The following PSD3 variants were observed in gnomAD, a reference collection of about 807,000 sequenced individuals.
PSD3 encodes the protein PH and SEC7 domain-containing protein 3.
Under a neutral mutation model 105.5 loss-of-function variants are expected in PSD3, and 49 were observed. That is an observed-to-expected ratio of 0.46 (90% confidence interval 0.37 to 0.59). PSD3 has a LOEUF of 0.59. Ranked by LOEUF, PSD3 falls within the 20% of genes least tolerant of loss-of-function variation. PSD3 has a pLI of 0.00. For synonymous variants in PSD3, 557 were observed against 457.8 expected (o/e 1.22, Z -2.77); for missense variants, 1,561 against 1,263.8 (o/e 1.24, Z -3.57).
chr8:18,783,793 T>G (rs1401926438), intron 8 of PSD3, among the ~76,000 whole-genome samples: 3 of 152,104 alleles, frequency 2.0e-5, no homozygotes, highest in Non-Finnish European at 4.4e-5. Context: ...CCACCATGCC[T>G]GGCAAATTTT....
At chr8:18,639,543 T>C (rs1030078558) in intron 10 of PSD3, among the ~76,000 whole-genome samples, 2 of 152,136 alleles carry the variant, frequency 1.3e-5, no homozygotes, top group Non-Finnish European at 2.9e-5. Context: ...GAGTGGGCCC[T>C]AATCTAACAA....
chr8:18,915,993 G>A (rs978723847), intron 2 of PSD3, among the ~76,000 whole-genome samples: 11 of 152,026 alleles, frequency 7.2e-5, no homozygotes, highest in African/African-American at 2.7e-4. Flanking sequence ...CTACTCGGGA[G>A]GCTAAGGCAG....
In PSD3 at chr8:18,531,463, A is replaced by G. The variant is rs1273918791; in HGVS notation, c.*4280T>C. On this transcript the variant is annotated 3_prime_UTR_variant, in exon 16 of 16. Transcript: ENST00000327040. ...AAGGAATCTGAGAGAAAAATCAGTG[A>G]CAAAGCCCCTCTCTATTGCTATCAA... 1 of 85,100 alleles carries G rather than the reference A, an allele frequency of 1.2e-5. No individual in the cohort carries two copies. The highest frequency in any genetic ancestry group is 3.4e-5 in the Non-Finnish European group (1 of 29,736). The allele number at this position is 85,100 out of a possible 1,614,324, so 5.3% of individuals were successfully genotyped here.
At chr8:18,837,607 T>G (rs1317895765) in intron 4 of PSD3, among the ~76,000 whole-genome samples, 6 of 152,022 alleles carry the variant, frequency 3.9e-5, no homozygotes, top group South Asian at 2.1e-4. Flanking sequence ...TGGCAAAAGA[T>G]GATAAATGTA....
chr8:18,770,683 C>T (rs1480103366), intron 8 of PSD3, among the ~76,000 whole-genome samples: 3 of 152,196 alleles, frequency 2.0e-5, no homozygotes, highest in Non-Finnish European at 4.4e-5. Context: ...TGCCAGTGAC[C>T]CCTGAAGTCC....
rs1393034515 is a variant in PSD3, at chr8:18,535,809, C to T, written c.3078G>A (p.Lys1026=). 2 of 1,614,066 alleles carry T rather than the reference C, an allele frequency of 1.2e-6. No individual in the cohort carries two copies. The highest frequency in any genetic ancestry group is 1.6e-4 in the Middle Eastern group (1 of 6,084). The part of the protein sequence containing the change: ...PDTSPITAKV[K]RNVSERKDHR... The stretch of plus-strand genomic sequence containing the variant: ...GATCCTTCCTCTCTGACACGTTACG[C>T]TTGACTTTGGCAGTGATTGGAGAAG... The change falls in exon 16 of 16, where the codon AAG becomes AAA. Residue 1026 remains lysine, a synonymous_variant. Transcript: ENST00000327040.
intron 1 of PSD3, among the ~76,000 whole-genome samples, chr8:19,019,282 A>G (rs1827284147): frequency 6.6e-6 from 1 of 152,160 alleles, no homozygotes. Context: ...GAGTTTTGCC[A>G]TTTCACAGAT....
intron 4 of PSD3, among the ~76,000 whole-genome samples, chr8:18,864,313 C>G (rs1009878607): frequency 2.0e-5 from 3 of 152,172 alleles, no homozygotes; most frequent in African/African-American, 7.2e-5. Flanking sequence ...CTCTGTACCT[C>G]AGTTTCCTTA....
intron 1 of PSD3, among the ~76,000 whole-genome samples, chr8:18,990,652 G>C (rs1226527238): frequency 6.6e-6 from 1 of 152,112 alleles, no homozygotes; most frequent in African/African-American, 2.4e-5. Flanking sequence ...CAATTACCAG[G>C]ATATTTCTGG....
intron 9 of PSD3, among the ~76,000 whole-genome samples, chr8:18,683,280 C>A (rs1800484568): frequency 6.6e-6 from 1 of 152,154 alleles, no homozygotes; most frequent in African/African-American, 2.4e-5. Context: ...CTAAACCTGA[C>A]ATGAATGTAG....
chr8:18,872,972 C>A (rs980604473), intron 2 of PSD3, among the ~76,000 whole-genome samples: 1 of 152,168 alleles, frequency 6.6e-6, no homozygotes, highest in Non-Finnish European at 1.5e-5. Flanking sequence ...TCTAATGACA[C>A]CTGCCATATT....
chr8:18,590,469 G>A (rs1321482327), intron 12 of PSD3, among the ~76,000 whole-genome samples: 5 of 152,098 alleles, frequency 3.3e-5, no homozygotes, highest in Non-Finnish European at 7.4e-5. Context: ...CCTTTCCTCT[G>A]AATACCCATA....
intron 9 of PSD3, among the ~76,000 whole-genome samples, chr8:18,756,188 C>T (rs1806031339): frequency 6.6e-6 from 1 of 152,086 alleles, no homozygotes; most frequent in South Asian, 2.1e-4. Flanking sequence ...AAAGAACTCA[C>T]CTACTCTAGG....
At chr8:18,879,587 A>G (rs1266691241) in intron 2 of PSD3, among the ~76,000 whole-genome samples, 1 of 151,236 alleles carries the variant, frequency 6.6e-6, no homozygotes, top group Non-Finnish European at 1.5e-5. Flanking sequence ...ATCATTCATC[A>G]TTGCTTTTTT....
intron 1 of PSD3, among the ~76,000 whole-genome samples, chr8:19,049,469 T>C (rs1488848151): frequency 6.6e-6 from 1 of 151,944 alleles, no homozygotes; most frequent in Non-Finnish European, 1.5e-5. Flanking sequence ...GCAGGAGAAA[T>C]GCTTGAGGCC....
intron 9 of PSD3, among the ~76,000 whole-genome samples, chr8:18,752,018 T>C (rs1446623392): frequency 1.6e-5 from 2 of 124,576 alleles, no homozygotes; most frequent in South Asian, 5.3e-4. Context: ...CTACTAAAAA[T>C]ACATAAAAAA....
chr8:19,023,279 C>A (rs928578517), intron 1 of PSD3, among the ~76,000 whole-genome samples: 2 of 152,024 alleles, frequency 1.3e-5, no homozygotes, highest in African/African-American at 4.8e-5. Flanking sequence ...ACGTGGCCAG[C>A]CAAATTTAAA....
chr8:18,574,633 A>G (rs535035243), intron 13 of PSD3, among the ~76,000 whole-genome samples: 1 of 152,324 alleles, frequency 6.6e-6, no homozygotes, highest in South Asian at 2.1e-4. Context: ...AAACATTTAC[A>G]TTTATTGAAC....
intron 4 of PSD3, among the ~76,000 whole-genome samples, chr8:18,820,065 C>T (rs2632834): frequency 0.93 from 142,133 of 152,208 alleles, 66,676 homozygotes; most frequent in Non-Finnish European, 0.98. Context: ...AGGCAAGCAT[C>T]GAGAATATGC....
Sources: allele counts gnomAD v4.1 joint callset (sites outside exome capture counted in the v4.1 genomes callset), GRCh38; gene constraint gnomAD v4.1.1; transcripts MANE v1.5; gene names NCBI Gene and HGNC (gene_info 2026-07-23, HGNC 2026-07-21).